Variants in CHD3 observed in about 807,000 individuals in gnomAD.
The protein encoded by CHD3 is chromodomain helicase DNA binding protein 3, also known as ATP-dependent chromatin remodeler CHD3.
A neutral mutation model predicts 248.9 loss-of-function variants in CHD3; 52 were observed. The ratio of observed to expected loss-of-function variants is 0.21; its 90% CI spans 0.17 to 0.26. The LOEUF (loss-of-function observed/expected upper bound fraction) is 0.26, where lower values mean the gene tolerates loss of function less well. Among genes scored for constraint, CHD3 ranks in the 10% least tolerant of loss-of-function variants. The probability of loss-of-function intolerance (pLI) is 1.00; values close to 1 mark genes in which losing one functional copy is unlikely to be tolerated. For synonymous variants in CHD3, 985 were observed against 985.2 expected (o/e 1.00, Z 0.00); for missense variants, 1,482 against 2,605.8 (o/e 0.57, Z 9.39).
At position 7,904,359 on chromosome 17, in the gene CHD3, G is replaced by A. The variant is rs1045831354; in HGVS notation, c.3895-83G>A. 2.6e-5 allele frequency: 35 copies of A among 1,341,134 alleles called. No homozygotes were observed. In the East Asian group the frequency reaches 4.2e-4, roughly 16 times the overall value. The allele number at this position is 1,341,134 out of a possible 1,614,324, so 83.1% of individuals were successfully genotyped here. The stretch of plus-strand genomic sequence containing the variant: ...AGTGGGGAGACCGGATTGGGCTGAC[G>A]CAGCAGAGTAGGGATTTCCTTGCAG... On this transcript the variant is annotated intron_variant, in intron 24 of 39. Coordinates refer to ENST00000330494, the MANE Select transcript of CHD3 (RefSeq NM_001005273.3). This position sits in a 1 kb window ranked among gnomAD's most constrained non-coding sequence, Gnocchi z 4.4.
rs1261053155 is a variant in CHD3 at position 7,909,356 on chromosome 17, C to T, written c.5590+18C>T. 1.3e-6 allele frequency: 2 copies of T among 1,529,466 alleles called. No homozygotes were observed. Among genetic ancestry groups the T allele is most frequent in the East Asian group, 4.9e-5 (2 of 40,530 alleles). The allele number at this position is 1,529,466 out of a possible 1,614,324, so 94.7% of individuals were successfully genotyped here. A position where few individuals can be genotyped will look rare whatever the true frequency, so the allele number is the denominator to read the frequency against. On this transcript the variant is annotated intron_variant, in intron 37 of 39. Transcript: ENST00000330494. This position sits in a 1 kb window ranked among gnomAD's most constrained non-coding sequence, Gnocchi z 8.1. ...GCACAAGGGTAAGGGCCGCGGCGGC[C>T]CCGCGCGGGGGAGGGCCCACAACGC...
In CHD3 at chr17:7,911,786, A is replaced by G; in HGVS notation, c.*201A>G. The G allele has an allele frequency of 6.8e-7, 1 of 1,464,128 alleles. No homozygotes were observed. The highest frequency in any genetic ancestry group is 9.2e-7 in the Non-Finnish European group (1 of 1,090,990). The allele number at this position is 1,464,128 out of a possible 1,614,324, so 90.7% of individuals were successfully genotyped here. ...TCCACTCCCACACACCTTTCCCACCAAGCCTTGAAGACTGTGCTGGTGAGA... is the reference window on the plus strand; with the variant it reads ...TCCACTCCCACACACCTTTCCCACCGAGCCTTGAAGACTGTGCTGGTGAGA... On this transcript the variant is annotated 3_prime_UTR_variant, in exon 40 of 40. Transcript: ENST00000330494. This position sits in a 1 kb window ranked among gnomAD's most constrained non-coding sequence, Gnocchi z 5.4.
intron 8 of CHD3, 92 bp from the exon 9 acceptor site, chr17:7,894,825 C>G: frequency 1.3e-6 from 2 of 1,557,368 alleles, no homozygotes; most frequent in Non-Finnish European, 1.7e-6. Context: ...CTCTGCACTT[C>G]TAGGATTCAG....
At position 7,900,343 on chromosome 17, in the gene CHD3, A is replaced by T; in HGVS notation, c.2736A>T (p.Gly912=). The T allele has an allele frequency of 6.2e-7, 1 of 1,614,152 alleles. No individual in the cohort carries two copies. The highest frequency in any genetic ancestry group is 1.3e-5 in the African/African-American group (1 of 75,020). ...TAGATCATAAGTTGCTGCTGACAGG[A>T]ACCCCATTGCAGAATAATCTGGAGG... ...YKIDHKLLLT[G]TPLQNNLEEL... Residue 912 remains glycine, a synonymous_variant, in exon 17 of 40, where the codon GGA becomes GGT. Transcript: ENST00000330494. This position sits in a 1 kb window ranked among gnomAD's most constrained non-coding sequence, Gnocchi z 6.5.
At chr17:7,885,307 CCCG>C (rs939052371), upstream of CHD3, 5,830 of 157,336 alleles carry the variant, frequency 0.037, 174 homozygotes, top group African/African-American at 0.083. Flanking sequence ...GCACCCCTCC[CCCG>C]CCGCCGCCGC....
intron 5 of CHD3, 70 bp from the exon 6 acceptor site, chr17:7,893,735 T>C: frequency 6.3e-7 from 1 of 1,575,716 alleles, no homozygotes; most frequent in Non-Finnish European, 8.6e-7. Flanking sequence ...CAGAGGCCCC[T>C]GTGACCTCCA....
chr17:7,907,422 G>A lies in CHD3; in HGVS notation c.4858G>A (p.Glu1620Lys). The change falls in exon 32 of 40, where the codon GAG (glutamate) becomes AAG (lysine). Residue 1620 changes from glutamate to lysine, a missense_variant. Around this residue, in one of 20 missense-constraint regions of CHD3, gnomAD observed 254 missense variants for 266.7 expected, o/e 0.95. Coordinates refer to ENST00000330494, the MANE Select transcript of CHD3 (RefSeq NM_001005273.3). This position sits in a 1 kb window ranked among gnomAD's most constrained non-coding sequence, Gnocchi z 4.3. ...GCCAAGGAAGATTCCTCTAGAGGATGAGGTGCCAGGGGTGCCTGGAGAGAT... is the reference window on the plus strand; with the variant it reads ...GCCAAGGAAGATTCCTCTAGAGGATAAGGTGCCAGGGGTGCCTGGAGAGAT... Reference protein sequence around the residue: ...LEPRKIPLEDEVPGVPGEMEP... With the variant: ...LEPRKIPLEDKVPGVPGEMEP... 1.2e-6 allele frequency: 2 copies of A among 1,611,676 alleles called. No individual in the cohort carries two copies. The highest frequency in any genetic ancestry group is 1.7e-6 in the Non-Finnish European group (2 of 1,178,864).
chr17:7,911,631 G>A lies in CHD3; in HGVS notation c.*46G>A, dbSNP rs367753545. The A allele has an allele frequency of 1.8e-5, 29 of 1,612,128 alleles. No homozygotes were observed. The highest frequency in any genetic ancestry group is 1.6e-4 in the Middle Eastern group (1 of 6,072). On this transcript the variant is annotated 3_prime_UTR_variant, in exon 40 of 40. Coordinates refer to ENST00000330494, the MANE Select transcript of CHD3 (RefSeq NM_001005273.3). The surrounding 1 kb of genome is among the most constrained non-coding windows in gnomAD (Gnocchi z 5.4). ...TCACCCAGGCCCCGTCCCCGAGGCC[G>A]ACCCCCAGCTCAAGCGCTGGGGCCT...
Position 7,895,026 on chromosome 17 carries a change from G to C in CHD3, c.1379G>C (p.Arg460Pro). 1 of 1,614,146 alleles carries C rather than the reference G, an allele frequency of 6.2e-7. No homozygotes were observed. Residue 460 changes from arginine (R) to proline (P), a missense_variant, in exon 9 of 40, where the codon CGC (arginine) becomes CCC (proline). Coordinates refer to ENST00000330494, the MANE Select transcript of CHD3 (RefSeq NM_001005273.3). The surrounding 1 kb of genome is among the most constrained non-coding windows in gnomAD (Gnocchi z 4.9). ...EEEDDHMEYC[R>P]VCKDGGELLC... The stretch of plus-strand genomic sequence containing the variant: ...GAGGATGATCACATGGAGTACTGCC[G>C]CGTATGCAAGGACGGCGGGGAGCTC...
chr17:7,892,286 G>A (rs564331058), intron 4 of CHD3, among the ~76,000 whole-genome samples: 82 of 152,242 alleles, frequency 5.4e-4, no homozygotes, highest in African/African-American at 2.0e-3. Context: ...TCCGTCCTAC[G>A]GAAGCCCATC....
chr17:7,905,344 G>GT lies in CHD3; in HGVS notation c.4138+180dup. 2 of 662,812 alleles carry GT rather than the reference G, an allele frequency of 3.0e-6. No individual in the cohort carries two copies. The allele number at this position is 662,812 out of a possible 1,614,324, so 41.1% of individuals were successfully genotyped here. ...TCTCTGCTAGTAAACTTCGGTGTGT[G>GT]TGACCACATAGGCTAGATCCAGAAA... On this transcript the variant is annotated intron_variant, in intron 26 of 39. Transcript: ENST00000330494. This position sits in a 1 kb window ranked among gnomAD's most constrained non-coding sequence, Gnocchi z 5.8.
At chr17:7,890,261 T>C (rs1449125990) in intron 2 of CHD3, among the ~76,000 whole-genome samples, 1 of 151,840 alleles carries the variant, frequency 6.6e-6, no homozygotes, top group African/African-American at 2.4e-5. Flanking sequence ...TGAAACTCCG[T>C]CTCTACTAAA....
rs746006633 is a variant in CHD3 at position 7,898,995 on chromosome 17, C to A, written c.2152-16C>A. 8 of 1,612,442 alleles carry A rather than the reference C, an allele frequency of 5.0e-6. No homozygotes were observed. The Admixed American group carries it at 1.2e-4, about 24-fold the overall frequency. On this transcript the variant is annotated splice_polypyrimidine_tract_variant and intron_variant, in intron 13 of 39. Coordinates refer to ENST00000330494, the MANE Select transcript of CHD3 (RefSeq NM_001005273.3). ...CCGACTATTTCCTTGAGCTTTCTGACTTCTTGTCTCTATAGCCTACCGTGA... is the reference window on the plus strand; with the variant it reads ...CCGACTATTTCCTTGAGCTTTCTGAATTCTTGTCTCTATAGCCTACCGTGA...
intron 20 of CHD3, among the ~76,000 whole-genome samples, chr17:7,901,986 T>C (rs1380540464): frequency 2.0e-5 from 3 of 152,146 alleles, no homozygotes; most frequent in Non-Finnish European, 4.4e-5. Flanking sequence ...TGATGAAAGC[T>C]CTGGGTCTAC....
rs1969962369 is a variant in CHD3 at position 7,898,584 on chromosome 17, C to G, written c.2140C>G (p.Pro714Ala). 6.8e-6 allele frequency: 11 copies of G among 1,612,594 alleles called. No individual in the cohort carries two copies. The highest frequency in any genetic ancestry group is 6.8e-6 in the Non-Finnish European group (8 of 1,178,916). ...ACAGGGTGATGGGCCTCCCAGTTCT[C>G]CCACTAATGATGTGAGTCCTCTCAG... ...ELQGDGPPSS[P>A]TNDPTVKYET... The change falls in exon 13 of 40, where the codon CCC becomes GCC. Residue 714 changes from proline to alanine, a missense_variant. Pro to Ala is a conservative substitution (Grantham distance 27, BLOSUM62 -1). This residue lies in a region of CHD3 where 127 missense variants were observed against 188.3 expected (regional missense o/e 0.67). Transcript: ENST00000330494.
At position 7,903,878 on chromosome 17, in the gene CHD3, G is replaced by T. The variant is rs752365619; in HGVS notation, c.3781G>T (p.Ala1261Ser). 2 of 1,614,148 alleles carry T rather than the reference G, an allele frequency of 1.2e-6. No homozygotes were observed. Among genetic ancestry groups the T allele is most frequent in the South Asian group, 1.1e-5 (1 of 91,080 alleles). The part of the protein sequence containing the change: ...SVIHYDNEAI[A>S]RLLDRNQDAT... ...GATTCATTATGACAATGAGGCCATC[G>T]CTCGGCTGTTGGACCGGAACCAGGA... Residue 1261 changes from alanine (A) to serine (S), a missense_variant, in exon 24 of 40, where the codon GCT becomes TCT. By Grantham distance (99) the Ala-to-Ser change is moderately conservative. Coordinates refer to ENST00000330494, the MANE Select transcript of CHD3 (RefSeq NM_001005273.3). This position sits in a 1 kb window ranked among gnomAD's most constrained non-coding sequence, Gnocchi z 6.8.
At position 7,907,378 on chromosome 17, in the gene CHD3, C is replaced by T; in HGVS notation, c.4814C>T (p.Ser1605Leu). ...GCTGATGCCCCCAGCCCAGCCCCAT[C>T]ACTTGGGGAGCGGCTGGAGCCAAGG... ...TEADAPSPAPSLGERLEPRKI... is the reference protein window; with the variant it reads ...TEADAPSPAPLLGERLEPRKI... The change falls in exon 32 of 40, where the codon TCA becomes TTA. Residue 1605 changes from serine to leucine, a missense_variant. Ser to Leu is a moderately radical substitution (Grantham distance 145). Coordinates refer to ENST00000330494, the MANE Select transcript of CHD3 (RefSeq NM_001005273.3). The surrounding 1 kb of genome is among the most constrained non-coding windows in gnomAD (Gnocchi z 4.3). 6.2e-7 allele frequency: 1 copy of T among 1,607,398 alleles called. No homozygotes were observed. Among genetic ancestry groups the T allele is most frequent in the Non-Finnish European group, 8.5e-7 (1 of 1,176,558 alleles).
At position 7,895,570 on chromosome 17, in the gene CHD3, C is replaced by T. The variant is rs747539733; in HGVS notation, c.1707+28C>T. 3.2e-6 allele frequency: 5 copies of T among 1,584,610 alleles called. No individual in the cohort carries two copies. In the South Asian group the frequency reaches 5.5e-5, roughly 18 times the overall value. The stretch of plus-strand genomic sequence containing the variant: ...ACTAGGACCTTTTCTTTCCCTCTCC[C>T]CCATGACCTCATTTCCTGCCATCCT... On this transcript the variant is annotated intron_variant, in intron 10 of 39. Transcript: ENST00000330494. This position sits in a 1 kb window ranked among gnomAD's most constrained non-coding sequence, Gnocchi z 4.9.
Position 7,897,243 on chromosome 17 carries a change from G to A in CHD3, c.1868G>A (p.Arg623His). Residue 623 changes from arginine (R) to histidine (H), a missense_variant, in exon 11 of 40, where the codon CGT becomes CAT. Transcript: ENST00000330494. This position sits in a 1 kb window ranked among gnomAD's most constrained non-coding sequence, Gnocchi z 4.8. ...GCTGAGATGGAGGAGAAGTACTATC[G>A]TTTTGGCATCAAGCCAGAGTGGATG... ...HYAEMEEKYY[R>H]FGIKPEWMTV... The A allele has an allele frequency of 1.2e-6, 2 of 1,614,100 alleles. No homozygotes were observed. Among genetic ancestry groups the A allele is most frequent in the Non-Finnish European group, 8.5e-7 (1 of 1,180,022 alleles).
Sources: gnomAD v4.1 joint callset for allele counts (sites outside exome capture counted in the v4.1 genomes callset) on GRCh38, gnomAD v4.1.1 for gene constraint, gnomAD v4.1.1 regional missense constraint, Gnocchi (gnomAD v3.1) non-coding constraint, MANE v1.5 for transcripts, NCBI Gene and HGNC (gene_info 2026-07-23, HGNC 2026-07-21) for gene names.